Variants in CNBD1 observed in about 807,000 individuals in gnomAD.
The protein encoded by CNBD1 is cyclic nucleotide binding domain containing 1.
In CNBD1, 71 loss-of-function variants were observed where a neutral mutation model predicts 54.4. The observed-to-expected ratio is 1.30, with a 90% CI of 1.08 to 1.59. The LOEUF (loss-of-function observed/expected upper bound fraction) is 1.59, where lower values mean the gene tolerates loss of function less well. Among genes scored for constraint, CNBD1 ranks in the 40% most tolerant of loss-of-function variants. CNBD1 has a pLI of 0.00. For missense variants in CNBD1, 659 were observed against 518.0 expected, an observed-to-expected ratio of 1.27 and a Z score of -2.64; for synonymous variants, 182 against 170.7, an observed-to-expected ratio of 1.07 and a Z score of -0.51.
chr8:87,411,956 C>G (rs900986591), intron 2 of CNBD1, among the ~76,000 whole-genome samples: 2 of 151,756 alleles, frequency 1.3e-5, no homozygotes, highest in Admixed American at 6.6e-5. Context: ...TTTGACATAG[C>G]TTTTTTTGTT....
chr8:87,334,473 G>A (rs942962138), intron 8 of CNBD1, among the ~76,000 whole-genome samples: 3 of 151,920 alleles, frequency 2.0e-5, no homozygotes, highest in African/African-American at 7.3e-5. Flanking sequence ...TGATATTAGG[G>A]TGTTGATTTG....
intron 3 of CNBD1, among the ~76,000 whole-genome samples, chr8:86,935,653 G>A (rs1433879982): frequency 6.6e-6 from 1 of 151,678 alleles, no homozygotes; most frequent in Non-Finnish European, 1.5e-5. Flanking sequence ...AAAATTTTTT[G>A]CCAAATTTAT....
chr8:87,124,764 C>T (rs1425512772), intron 4 of CNBD1, among the ~76,000 whole-genome samples: 1 of 151,676 alleles, frequency 6.6e-6, no homozygotes, highest in Non-Finnish European at 1.5e-5. Flanking sequence ...CCCACTCTCA[C>T]CACCTGTATT....
intron 2 of CNBD1, among the ~76,000 whole-genome samples, chr8:87,421,956 T>A (rs941032849): frequency 6.7e-6 from 1 of 149,878 alleles, no homozygotes; most frequent in African/African-American, 2.5e-5. Flanking sequence ...GACTTTTTAA[T>A]GATCGCCATT....
At chr8:86,999,397 C>T (rs1808946526) in intron 4 of CNBD1, among the ~76,000 whole-genome samples, 1 of 152,162 alleles carries the variant, frequency 6.6e-6, no homozygotes. Flanking sequence ...TGCACAGTTA[C>T]AATAATGTGA....
At chr8:87,386,851 T>C (rs182121170), downstream of CNBD1, among the ~76,000 whole-genome samples, 50 of 152,172 alleles carry the variant, frequency 3.3e-4, no homozygotes, top group African/African-American at 1.1e-3. Context: ...TCAGGGCAGC[T>C]AGAGAGAAAG....
At chr8:87,148,832 GA>G (rs1812542595) in intron 4 of CNBD1, among the ~76,000 whole-genome samples, 1 of 152,200 alleles carries the variant, frequency 6.6e-6, no homozygotes, top group African/African-American at 2.4e-5. Context: ...TAAGCTAGGT[GA>G]TAAGTTATGA....
chr8:86,971,743 T>A (rs1022339680), intron 4 of CNBD1, among the ~76,000 whole-genome samples: 7 of 152,126 alleles, frequency 4.6e-5, no homozygotes, highest in African/African-American at 1.4e-4. Context: ...TTATATTTTC[T>A]AACTAAGCAT....
chr8:87,381,521 T>C (rs1013192915), intron 10 of CNBD1, among the ~76,000 whole-genome samples: 12 of 152,004 alleles, frequency 7.9e-5, no homozygotes, highest in African/African-American at 2.9e-4. Context: ...GGCCCAGTTC[T>C]AGATATTTTC....
At chr8:86,988,679 C>A (rs896098114) in intron 4 of CNBD1, among the ~76,000 whole-genome samples, 5 of 152,152 alleles carry the variant, frequency 3.3e-5, no homozygotes, top group Admixed American at 6.6e-5. Flanking sequence ...ACATCCCCCC[C>A]TTTCCCAGCC....
At chr8:87,422,863 G>A (rs1807965884) in intron 2 of CNBD1, among the ~76,000 whole-genome samples, 1 of 152,110 alleles carries the variant, frequency 6.6e-6, no homozygotes, top group African/African-American at 2.4e-5. Flanking sequence ...ATTACCTTGG[G>A]CAGTATGGCC....
intron 6 of CNBD1, among the ~76,000 whole-genome samples, chr8:87,249,450 G>A (rs1807869344): frequency 6.6e-6 from 1 of 152,112 alleles, no homozygotes; most frequent in Non-Finnish European, 1.5e-5. Flanking sequence ...GGTAGAGGAT[G>A]CTTCTTCATC....
At chr8:87,346,056 G>T (rs1172653482) in intron 8 of CNBD1, among the ~76,000 whole-genome samples, 4 of 145,666 alleles carry the variant, frequency 2.7e-5, no homozygotes, top group African/African-American at 1.1e-4. Context: ...TTTTTTTGTG[G>T]GGGGGACAGA....
chr8:87,327,859 CA>C (rs1368149442), intron 8 of CNBD1, among the ~76,000 whole-genome samples: 1 of 152,116 alleles, frequency 6.6e-6, no homozygotes, highest in Non-Finnish European at 1.5e-5. Context: ...AGGAGTTTTA[CA>C]GTTTAAAGTT....
chr8:87,290,499 AATGGATAAGAAAT>A (rs1808765939), intron 8 of CNBD1, among the ~76,000 whole-genome samples: 1 of 152,158 alleles, frequency 6.6e-6, no homozygotes, highest in Non-Finnish European at 1.5e-5. Context: ...GTAAGAGAAG[AATGGATAAGAAAT>A]ATGCATTTCT....
At chr8:87,328,889 A>G (rs1015104026) in intron 8 of CNBD1, among the ~76,000 whole-genome samples, 2 of 152,096 alleles carry the variant, frequency 1.3e-5, no homozygotes, top group Non-Finnish European at 2.9e-5. Context: ...TTTTCTTAAT[A>G]CCATTTATGA....
intron 4 of CNBD1, among the ~76,000 whole-genome samples, chr8:86,986,854 G>A (rs919348050): frequency 1.3e-5 from 2 of 152,122 alleles, no homozygotes; most frequent in Non-Finnish European, 2.9e-5. Flanking sequence ...TCTCTATTCT[G>A]TTCCATTGGT....
At chr8:87,211,582 G>T (rs1296218071) in intron 5 of CNBD1, among the ~76,000 whole-genome samples, 1 of 152,260 alleles carries the variant, frequency 6.6e-6, no homozygotes, top group Non-Finnish European at 1.5e-5. Flanking sequence ...GTTCTCACAA[G>T]ATCTGGTTGT....
chr8:87,393,290 G>T (rs554764485), intron 2 of CNBD1, among the ~76,000 whole-genome samples: 2 of 151,966 alleles, frequency 1.3e-5, no homozygotes, highest in South Asian at 2.1e-4. Flanking sequence ...ACTGTGACTA[G>T]GTAATGTTTC....
Sources: gnomAD v4.1 joint callset for allele counts (sites outside exome capture counted in the v4.1 genomes callset) on GRCh38, gnomAD v4.1.1 for gene constraint, MANE v1.5 for transcripts, NCBI Gene and HGNC (gene_info 2026-07-23, HGNC 2026-07-21) for gene names.